Variants in MEGF11 observed in about 807,000 individuals in gnomAD.
The protein encoded by MEGF11 is multiple EGF like domains 11, also known as multiple epidermal growth factor-like domains protein 11.
A neutral mutation model predicts 146.6 loss-of-function variants in MEGF11; 126 were observed. The observed-to-expected ratio is 0.86, with a 90% CI of 0.74 to 1.00. The LOEUF (loss-of-function observed/expected upper bound fraction) is 1.00. MEGF11 is among the 50% of genes least tolerant of loss of function. The probability of loss-of-function intolerance (pLI) is 0.00; values close to 1 mark genes in which losing one functional copy is unlikely to be tolerated. For missense variants in MEGF11, 1,509 were observed against 1,521.2 expected (o/e 0.99, Z 0.13); for synonymous variants, 532 against 583.4 (o/e 0.91, Z 1.27).
chr15:65,970,689 C>G lies in MEGF11; in HGVS notation c.763G>C (p.Gly255Arg), dbSNP rs2081274524. Residue 255 changes from glycine to arginine, a missense_variant and splice_region_variant, in exon 8 of 26, where the codon GGA (glycine) becomes CGA (arginine). Coordinates refer to ENST00000395614, the MANE Select transcript of MEGF11 (RefSeq NM_001385028.1). ...GECACPPGWT[G>R]AVCAQPCPPG... ...GGGCAGGGCTGGGCACACACTGCTC[C>G]CTAAAAGAAAGGTGGGAAGACATGC... The G allele has an allele frequency of 1.2e-6, 2 of 1,608,808 alleles. No homozygotes were observed. The highest frequency in any genetic ancestry group is 2.7e-5 in the African/African-American group (2 of 74,840).
intron 1 of MEGF11, among the ~76,000 whole-genome samples, chr15:66,202,868 C>A (rs997834728): frequency 1.3e-5 from 2 of 152,210 alleles, no homozygotes; most frequent in Non-Finnish European, 2.9e-5. Flanking sequence ...CAGGTATGAA[C>A]CATGTCAGGA....
chr15:65,909,764 G>A lies in MEGF11; in HGVS notation c.2872C>T (p.Pro958Ser). 1.9e-6 allele frequency: 3 copies of A among 1,585,040 alleles called. No homozygotes were observed. Among genetic ancestry groups the A allele is most frequent in the Non-Finnish European group, 2.6e-6 (3 of 1,173,360 alleles). ...SLDRDTAGWT[P>S]YSYVNVLDSH... ...CCTAACACGTTCACATAGCTGTAGG[G>A]GGTCCAGCCTGCTGTGTCTCTGTCA... The change falls in exon 22 of 26, where the codon CCC becomes TCC. Residue 958 changes from proline (P) to serine (S), a missense_variant. By Grantham distance (74) the Pro-to-Ser change is moderately conservative. Transcript: ENST00000395614.
At chr15:65,971,486 T>A (rs1274042130) in intron 7 of MEGF11, among the ~76,000 whole-genome samples, 1 of 152,032 alleles carries the variant, frequency 6.6e-6, no homozygotes, top group African/African-American at 2.4e-5. Context: ...TTCAGAGAGG[T>A]TGGTGTCACA....
At chr15:66,136,806 T>C (rs1197874877) in intron 1 of MEGF11, among the ~76,000 whole-genome samples, 1 of 152,160 alleles carries the variant, frequency 6.6e-6, no homozygotes, top group Non-Finnish European at 1.5e-5. Context: ...GGCAGGCAGA[T>C]CACTTGAGGT....
chr15:66,031,985 G>A (rs926759444), intron 5 of MEGF11, among the ~76,000 whole-genome samples: 5 of 152,244 alleles, frequency 3.3e-5, no homozygotes, highest in African/African-American at 9.6e-5. Context: ...CAGATCAGTG[G>A]TGGCATTAGA....
intron 5 of MEGF11, among the ~76,000 whole-genome samples, chr15:66,042,469 G>A (rs2084029611): frequency 6.6e-6 from 1 of 152,166 alleles, no homozygotes; most frequent in Admixed American, 6.5e-5. Context: ...GGCCAAGAAA[G>A]GTTCAGATAA....
At chr15:66,037,873 GGA>G (rs1300705672) in intron 5 of MEGF11, among the ~76,000 whole-genome samples, 80 of 152,344 alleles carry the variant, frequency 5.3e-4, no homozygotes, top group African/African-American at 1.9e-3. Flanking sequence ...CTCTGGAAGA[GGA>G]GGTGATCGGG....
chr15:66,084,430 C>G (rs1289929574), intron 5 of MEGF11, among the ~76,000 whole-genome samples: 2 of 152,140 alleles, frequency 1.3e-5, no homozygotes, highest in African/African-American at 2.4e-5. Context: ...CACAGACCCT[C>G]TGAAGGAAGC....
intron 1 of MEGF11, among the ~76,000 whole-genome samples, chr15:66,148,418 G>C (rs927112949): frequency 2.0e-5 from 3 of 152,102 alleles, no homozygotes; most frequent in African/African-American, 7.2e-5. Context: ...AAAGCAGTTA[G>C]GAGAAAGAAA....
At chr15:65,945,708 C>T (rs1410855869) in intron 10 of MEGF11, among the ~76,000 whole-genome samples, 2 of 152,166 alleles carry the variant, frequency 1.3e-5, no homozygotes, top group Non-Finnish European at 1.5e-5. Flanking sequence ...GGGGAACGGA[C>T]ACCTCCCCTG....
At chr15:66,084,784 C>A (rs773057631) in intron 5 of MEGF11, among the ~76,000 whole-genome samples, 2 of 152,072 alleles carry the variant, frequency 1.3e-5, no homozygotes, top group Admixed American at 6.5e-5. Flanking sequence ...TTGAACGGGG[C>A]GAGAAGCCTC....
intron 1 of MEGF11, among the ~76,000 whole-genome samples, chr15:66,168,716 T>G (rs1388360809): frequency 2.0e-5 from 3 of 152,260 alleles, no homozygotes; most frequent in Non-Finnish European, 2.9e-5. Flanking sequence ...GGCTTATGCC[T>G]GCAATCCCAG....
At chr15:66,073,063 G>A (rs1342775426) in intron 5 of MEGF11, among the ~76,000 whole-genome samples, 2 of 152,330 alleles carry the variant, frequency 1.3e-5, no homozygotes, top group East Asian at 3.9e-4. Context: ...AGTCAGAGGA[G>A]GATTTAGGGG....
At chr15:66,178,804 G>A (rs1235566105) in intron 1 of MEGF11, among the ~76,000 whole-genome samples, 1 of 152,150 alleles carries the variant, frequency 6.6e-6, no homozygotes, top group Non-Finnish European at 1.5e-5. Context: ...GAGAGTGGGG[G>A]TGGGGGATAG....
rs1003688313 is a variant in MEGF11 at position 66,128,425 on chromosome 15, C to G, written c.-8-14G>C. 50 of 1,412,650 alleles carry G rather than the reference C, an allele frequency of 3.5e-5. No individual in the cohort carries two copies. Among genetic ancestry groups the G allele is most frequent in the Non-Finnish European group, 4.2e-5 (45 of 1,072,572 alleles). 87.5% of individuals were successfully genotyped at this position (1,412,650 alleles called of 1,614,324 possible). A position where few individuals can be genotyped will look rare whatever the true frequency, so the allele number is the denominator to read the frequency against. On this transcript the variant is annotated splice_polypyrimidine_tract_variant and intron_variant, in intron 1 of 25. Coordinates refer to ENST00000395614, the MANE Select transcript of MEGF11 (RefSeq NM_001385028.1). Reference sequence around the variant, plus strand: ...CCATCCCGGGCCCTGCACAGGAGAACAAAGGAGGCTGCGTCTGTGATCAGA... The same window carrying G: ...CCATCCCGGGCCCTGCACAGGAGAAGAAAGGAGGCTGCGTCTGTGATCAGA...
Position 65,955,823 on chromosome 15 carries a change from A to AATATATATATATATATATATATATAT in MEGF11, c.1287+1723_1287+1724insATATATATATATATATATATATATAT, listed in dbSNP as rs71139451. Among the ~76,000 whole-genome samples, 197 of 40,156 alleles carry AATATATATATATATATATATATATAT rather than the reference A, an allele frequency of 4.9e-3. 10 individuals carry two copies. Among genetic ancestry groups the AATATATATATATATATATATATATAT allele is most frequent in the Middle Eastern group, 0.012 (1 of 86 alleles). 26.3% of individuals were successfully genotyped at this position (40,156 alleles called of 152,430 possible). ...ACACACACACACACACAATACTTTA[A>AATATATATATATATATATATATATAT]ATATATAACATGTAATCAATATAAC... On this transcript the variant is annotated intron_variant, in intron 10 of 25. Transcript: ENST00000395614.
At chr15:66,190,699 C>T (rs1400607010) in intron 1 of MEGF11, among the ~76,000 whole-genome samples, 1 of 152,122 alleles carries the variant, frequency 6.6e-6, no homozygotes, top group Non-Finnish European at 1.5e-5. Flanking sequence ...AATCTCGGGA[C>T]ACACATGCCC....
chr15:66,029,605 G>C (rs1390751696), intron 5 of MEGF11, among the ~76,000 whole-genome samples: 1 of 152,158 alleles, frequency 6.6e-6, no homozygotes, highest in Non-Finnish European at 1.5e-5. Flanking sequence ...GTGATGGTGG[G>C]GTCTTTCCCC....
chr15:65,923,597 C>T (rs906556936), intron 13 of MEGF11, among the ~76,000 whole-genome samples: 2 of 152,188 alleles, frequency 1.3e-5, no homozygotes, highest in African/African-American at 4.8e-5. Context: ...GCAAAAATTA[C>T]ATTTACTGTC....
Sources: gnomAD v4.1 joint callset for allele counts (sites outside exome capture counted in the v4.1 genomes callset) on GRCh38, gnomAD v4.1.1 for gene constraint, MANE v1.5 for transcripts, NCBI Gene and HGNC (gene_info 2026-07-23, HGNC 2026-07-21) for gene names.